Variants in SUSD5 observed in about 807,000 individuals in gnomAD.
SUSD5 encodes the protein sushi domain containing 5, also known as sushi domain-containing protein 5.
In SUSD5, 33 loss-of-function variants were observed where a neutral mutation model predicts 29.5. The ratio of observed to expected loss-of-function variants is 1.12; its 90% CI spans 0.85 to 1.49. The LOEUF (loss-of-function observed/expected upper bound fraction) is 1.49, where lower values mean the gene tolerates loss of function less well. SUSD5 is among the 40% of genes most tolerant of loss of function. The pLI, the probability that SUSD5 is intolerant of heterozygous loss-of-function variation, is 0.00. For synonymous variants in SUSD5, 308 were observed against 325.3 expected, an observed-to-expected ratio of 0.95 and a Z score of 0.57; for missense variants, 776 against 800.6, an observed-to-expected ratio of 0.97 and a Z score of 0.37.
In SUSD5 at chr3:33,167,254, G is replaced by C. The variant is rs1380225450; in HGVS notation, c.598+7632C>G. On this transcript the variant is annotated intron_variant, in intron 4 of 4. Coordinates refer to ENST00000309558, the MANE Select transcript of SUSD5 (RefSeq NM_015551.2). The surrounding 1 kb of genome is among the most constrained non-coding windows in gnomAD (Gnocchi z 4.1). ...GGCACCTGGAACACAGGCAGAAGAT[G>C]AGTATGTTCTCCTCTCTCACTTTTT... 6.6e-6 allele frequency among the ~76,000 whole-genome samples: 1 copy of C among 151,904 alleles called. No individual in the cohort carries two copies. The highest frequency in any genetic ancestry group is 1.5e-5 in the Non-Finnish European group (1 of 67,998).
intron 4 of SUSD5, among the ~76,000 whole-genome samples, chr3:33,166,930 G>A (rs1264972497): frequency 2.0e-5 from 3 of 152,162 alleles, no homozygotes; most frequent in African/African-American, 7.2e-5. Context: ...TGTAATCCCA[G>A]CACTTTGGGA....
chr3:33,207,991 C>A (rs768852617), intron 2 of SUSD5, 65 bp from the exon 3 acceptor site: 2 of 1,233,998 alleles, frequency 1.6e-6, no homozygotes, highest in Non-Finnish European at 2.4e-6. Flanking sequence ...AGGAATAATT[C>A]TCTTCTGCTG....
Position 33,153,420 on chromosome 3 carries a change from G to A in SUSD5, c.1212C>T (p.Asn404=), listed in dbSNP as rs756463813. The A allele has an allele frequency of 1.4e-5, 23 of 1,613,632 alleles. No homozygotes were observed. Among genetic ancestry groups the A allele is most frequent in the Middle Eastern group, 1.6e-4 (1 of 6,084 alleles). The change falls in exon 5 of 5, where the codon AAC becomes AAT. Residue 404 remains asparagine (N), a synonymous_variant. Transcript: ENST00000309558. Reference sequence around the variant, plus strand: ...TGGGCTGATCAGGAGTAACTAGGACGTTTTCATCCAGCCCTACTGACCCAT... The same window carrying A: ...TGGGCTGATCAGGAGTAACTAGGACATTTTCATCCAGCCCTACTGACCCAT... The part of the protein sequence containing the change: ...RGDGSVGLDE[N]VLVTPDQPIL...
intron 3 of SUSD5, among the ~76,000 whole-genome samples, chr3:33,191,966 A>G (rs556747785): frequency 6.6e-6 from 1 of 152,188 alleles, no homozygotes; most frequent in Non-Finnish European, 1.5e-5. Flanking sequence ...TTATATACCT[A>G]CAAGTGGCAT....
At chr3:33,154,865 C>T (rs577468592) in intron 4 of SUSD5, among the ~76,000 whole-genome samples, 10 of 152,232 alleles carry the variant, frequency 6.6e-5, no homozygotes, top group Non-Finnish European at 8.8e-5. Flanking sequence ...TCGATCTATA[C>T]AGATCTAATA....
intron 3 of SUSD5, among the ~76,000 whole-genome samples, chr3:33,189,478 CAAAAAAAAAAAA>C (rs71630568): frequency 1.1e-5 from 1 of 91,620 alleles, no homozygotes; most frequent in Non-Finnish European, 2.0e-5. Flanking sequence ...CTCTCCTTCT[CAAAAAAAAAAAA>C]AAAAAAAAAA....
intron 3 of SUSD5, among the ~76,000 whole-genome samples, chr3:33,178,499 T>C (rs1000660724): frequency 2.0e-5 from 3 of 151,714 alleles, no homozygotes; most frequent in African/African-American, 7.3e-5. Flanking sequence ...CAGGTTGGAG[T>C]GCAGTGGCGT....
At chr3:33,214,322 C>A (rs2032386202) in intron 1 of SUSD5, among the ~76,000 whole-genome samples, 1 of 150,476 alleles carries the variant, frequency 6.6e-6, no homozygotes, top group South Asian at 2.1e-4. Flanking sequence ...CTTCCCCACC[C>A]CACCCGCCCA....
chr3:33,156,769 C>G (rs2031063320), intron 4 of SUSD5, among the ~76,000 whole-genome samples: 1 of 152,116 alleles, frequency 6.6e-6, no homozygotes, highest in Non-Finnish European at 1.5e-5. Flanking sequence ...TTTCTAAAGG[C>G]TGTTAGAGAA....
At position 33,153,483 on chromosome 3, in the gene SUSD5, C is replaced by A; in HGVS notation, c.1149G>T (p.Lys383Asn). 6.2e-7 allele frequency: 1 copy of A among 1,614,114 alleles called. No homozygotes were observed. The part of the protein sequence containing the change: ...GYPVTEGAWR[K>N]TEAEEEEDGD... ...CATCTTCTTCCTCTTCTGCCTCTGT[C>A]TTCCTCCAAGCCCCCTCTGTCACAG... Residue 383 changes from lysine to asparagine, a missense_variant, in exon 5 of 5, where the codon AAG becomes AAT. By Grantham distance (94) the Lys-to-Asn change is moderately conservative (BLOSUM62 0). Transcript: ENST00000309558.
chr3:33,179,264 T>C (rs1310324600), intron 3 of SUSD5, among the ~76,000 whole-genome samples: 1 of 152,022 alleles, frequency 6.6e-6, no homozygotes, highest in Admixed American at 6.6e-5. Context: ...ATGTCCCCTC[T>C]TTTTTTTAAA....
At chr3:33,189,091 C>T (rs939770713) in intron 3 of SUSD5, among the ~76,000 whole-genome samples, 3 of 152,118 alleles carry the variant, frequency 2.0e-5, no homozygotes, top group Non-Finnish European at 2.9e-5. Context: ...ATAAACCCTG[C>T]GTCAATCAAC....
intron 3 of SUSD5, among the ~76,000 whole-genome samples, chr3:33,207,592 C>A (rs924339763): frequency 6.6e-6 from 1 of 152,184 alleles, no homozygotes; most frequent in Non-Finnish European, 1.5e-5. Context: ...CACCTCACCA[C>A]CACTGTGAAT....
At chr3:33,174,069 G>T (rs2031492380) in intron 4 of SUSD5, among the ~76,000 whole-genome samples, 1 of 152,176 alleles carries the variant, frequency 6.6e-6, no homozygotes, top group African/African-American at 2.4e-5. Flanking sequence ...GATCAGGTTT[G>T]GGGAACTCAG....
Position 33,159,022 on chromosome 3 carries a change from G to A in SUSD5, c.599-4989C>T, listed in dbSNP as rs368149931. ...TCTTGCTTGCACGAATCCGGAGAGTGCATTCATTTTCTTTCAGGTCATCAA... is the reference window on the plus strand; with the variant it reads ...TCTTGCTTGCACGAATCCGGAGAGTACATTCATTTTCTTTCAGGTCATCAA... On this transcript the variant is annotated intron_variant, in intron 4 of 4. Transcript: ENST00000309558. Among the ~76,000 whole-genome samples, 25 of 152,316 alleles carry A rather than the reference G, an allele frequency of 1.6e-4. No homozygotes were observed. The South Asian group carries it at 3.3e-3, about 20-fold the overall frequency.
chr3:33,155,953 C>T (rs1485231282), intron 4 of SUSD5, among the ~76,000 whole-genome samples: 1 of 152,064 alleles, frequency 6.6e-6, no homozygotes, highest in Non-Finnish European at 1.5e-5. Context: ...TCACCTGTGT[C>T]AAGGCCTAAA....
At chr3:33,197,309 A>C (rs1033602917) in intron 3 of SUSD5, among the ~76,000 whole-genome samples, 1 of 152,150 alleles carries the variant, frequency 6.6e-6, no homozygotes, top group African/African-American at 2.4e-5. Context: ...TCCTCATCTG[A>C]ATAGAGAGAA....
At chr3:33,155,700 A>G (rs2031035065) in intron 4 of SUSD5, among the ~76,000 whole-genome samples, 2 of 152,240 alleles carry the variant, frequency 1.3e-5, no homozygotes, top group South Asian at 2.1e-4. Flanking sequence ...CTGTACATCA[A>G]TAAACATGAA....
At chr3:33,171,585 G>A (rs542983675) in intron 4 of SUSD5, among the ~76,000 whole-genome samples, 1 of 152,108 alleles carries the variant, frequency 6.6e-6, no homozygotes, top group Non-Finnish European at 1.5e-5. Context: ...TATCGTTTGT[G>A]TCTTCCCTAT....
Sources: allele counts gnomAD v4.1 joint callset (sites outside exome capture counted in the v4.1 genomes callset), GRCh38; gene constraint gnomAD v4.1.1; non-coding constraint Gnocchi (gnomAD v3.1); transcripts MANE v1.5; gene names NCBI Gene and HGNC (gene_info 2026-07-23, HGNC 2026-07-21).